Variants in SGCZ observed in about 807,000 individuals in gnomAD.
SGCZ encodes the protein sarcoglycan zeta.
Under a neutral mutation model 41.3 loss-of-function variants are expected in SGCZ, and 40 were observed. The ratio of observed to expected loss-of-function variants is 0.97; its 90% CI spans 0.75 to 1.26. The LOEUF is 1.26. Among genes scored for constraint, SGCZ ranks in the 50% most tolerant of loss-of-function variants. SGCZ has a pLI of 0.00. For synonymous variants in SGCZ, 206 were observed against 137.5 expected, an observed-to-expected ratio of 1.50 and a Z score of -3.49; for missense variants, 552 against 369.8, an observed-to-expected ratio of 1.49 and a Z score of -4.04.
intron 1 of SGCZ, among the ~76,000 whole-genome samples, chr8:14,704,611 T>C (rs956304178): frequency 6.6e-6 from 1 of 151,970 alleles, no homozygotes. Context: ...GCAGTTAATC[T>C]CTCAAAGGCT....
chr8:14,681,378 C>A (rs563678273), intron 1 of SGCZ, among the ~76,000 whole-genome samples: 2 of 152,116 alleles, frequency 1.3e-5, no homozygotes, highest in Non-Finnish European at 2.9e-5. Flanking sequence ...CTATACCCAA[C>A]AAAAACTATT....
chr8:14,133,157 C>CTTCAG lies in SGCZ; in HGVS notation c.548-24927_548-24923dup, dbSNP rs1204965418. Among the ~76,000 whole-genome samples the CTTCAG allele has an allele frequency of 1.1e-4, 16 of 152,294 alleles. No individual in the cohort carries two copies. The South Asian group carries it at 1.9e-3, about 18-fold the overall frequency. ...AGCCCAAGGTGAAAACTTAAAGTGACTTCAGTTCTTTTGTGAACATGTATC... is the reference window on the plus strand; with the variant it reads ...AGCCCAAGGTGAAAACTTAAAGTGACTTCAGTTCAGTTCTTTTGTGAACATGTATC... On this transcript the variant is annotated intron_variant, in intron 5 of 7. Coordinates refer to ENST00000382080, the MANE Select transcript of SGCZ (RefSeq NM_139167.4).
chr8:14,116,045 A>T (rs183623235), intron 5 of SGCZ, among the ~76,000 whole-genome samples: 36 of 152,116 alleles, frequency 2.4e-4, no homozygotes, highest in Admixed American at 9.2e-4. Context: ...ATTCCTTAGG[A>T]CTTCTGGTAC....
intron 1 of SGCZ, among the ~76,000 whole-genome samples, chr8:14,861,848 A>C (rs1024343872): frequency 2.9e-4 from 44 of 152,064 alleles, no homozygotes; most frequent in Admixed American, 1.6e-3. Flanking sequence ...AAGCTGTAAT[A>C]ATCTGTTCCC....
chr8:14,108,607 T>C (rs1183866057), intron 5 of SGCZ, among the ~76,000 whole-genome samples: 3 of 151,986 alleles, frequency 2.0e-5, no homozygotes, highest in East Asian at 3.9e-4. Flanking sequence ...ACCACCTCCA[T>C]GGTTCAAATT....
intron 1 of SGCZ, among the ~76,000 whole-genome samples, chr8:14,693,417 G>A (rs773522408): frequency 1.3e-5 from 2 of 151,084 alleles, no homozygotes; most frequent in Non-Finnish European, 2.9e-5. Context: ...TTAGCCTCCT[G>A]AGTAGCTGGA....
At chr8:15,192,334 C>T (rs903012681) in intron 1 of SGCZ, among the ~76,000 whole-genome samples, 3 of 151,942 alleles carry the variant, frequency 2.0e-5, no homozygotes, top group Admixed American at 6.6e-5. Context: ...ATTTTAAGTA[C>T]GCATACAAAT....
intron 1 of SGCZ, among the ~76,000 whole-genome samples, chr8:14,884,249 C>T (rs1198153677): frequency 6.6e-6 from 1 of 152,092 alleles, no homozygotes; most frequent in African/African-American, 2.4e-5. Flanking sequence ...ATATCCTTCC[C>T]TTAGTGCCAA....
chr8:14,219,133 G>C (rs1806101380), intron 4 of SGCZ, among the ~76,000 whole-genome samples: 1 of 152,300 alleles, frequency 6.6e-6, no homozygotes, highest in Non-Finnish European at 1.5e-5. Flanking sequence ...CAATTGGATT[G>C]TGATGTGCGA....
At position 15,005,969 on chromosome 8, in the gene SGCZ, CT is replaced by C. The variant is rs200605121; in HGVS notation, c.39+231615del. ...CCCACCAAACTTGAACTAACAGATA[CT>C]TTTTTGATAATGAATCATGGAATTT... On this transcript the variant is annotated intron_variant, in intron 1 of 7. Transcript: ENST00000382080. 7.2e-3 allele frequency among the ~76,000 whole-genome samples: 1,097 copies of C among 152,158 alleles called. 17 individuals carry two copies. Among genetic ancestry groups the C allele is most frequent in the South Asian group, 0.043 (205 of 4,822 alleles).
chr8:14,601,989 G>A (rs559608969), intron 1 of SGCZ, among the ~76,000 whole-genome samples: 2 of 152,104 alleles, frequency 1.3e-5, no homozygotes, highest in South Asian at 2.1e-4. Flanking sequence ...GCCTGGTGGC[G>A]GGCGCCTGTA....
At chr8:14,701,568 G>T (rs763745451) in intron 1 of SGCZ, among the ~76,000 whole-genome samples, 1 of 151,946 alleles carries the variant, frequency 6.6e-6, no homozygotes, top group African/African-American at 2.4e-5. Context: ...CGTCCGTGCT[G>T]CCTGGTAACT....
At position 14,978,455 on chromosome 8, in the gene SGCZ, A is replaced by G. The variant is rs745363443; in HGVS notation, c.39+259130T>C. ...CATTGCACTCTAGCCTGGAGGACCGAGTGAGACACCGTCACAAAAAAAAAA... is the reference window on the plus strand; with the variant it reads ...CATTGCACTCTAGCCTGGAGGACCGGGTGAGACACCGTCACAAAAAAAAAA... On this transcript the variant is annotated intron_variant, in intron 1 of 7. Coordinates refer to ENST00000382080, the MANE Select transcript of SGCZ (RefSeq NM_139167.4). Among the ~76,000 whole-genome samples the G allele has an allele frequency of 3.2e-4, 37 of 114,786 alleles. 1 individual carries two copies. Among genetic ancestry groups the G allele is most frequent in the Non-Finnish European group, 5.2e-4 (32 of 61,154 alleles). The allele number at this position is 114,786 out of a possible 152,430, so 75.3% of individuals were successfully genotyped here.
chr8:14,108,120 CAAT>C (rs1802261870), intron 6 of SGCZ, 40 bp downstream of exon 6: 10 of 1,566,472 alleles, frequency 6.4e-6, no homozygotes, highest in African/African-American at 2.7e-5. Context: ...GGATTATCAA[CAAT>C]GATGGATTTT....
intron 1 of SGCZ, among the ~76,000 whole-genome samples, chr8:14,835,547 C>G (rs778333009): frequency 7.9e-5 from 12 of 152,152 alleles, no homozygotes; most frequent in African/African-American, 2.7e-4. Context: ...CTTGACACAC[C>G]GCTTACCTGC....
chr8:14,405,814 T>C (rs938734402), intron 2 of SGCZ, among the ~76,000 whole-genome samples: 2 of 152,228 alleles, frequency 1.3e-5, no homozygotes, highest in Non-Finnish European at 2.9e-5. Context: ...TGTTTATAAA[T>C]ACATTAGAAC....
At chr8:14,205,172 T>TTTTA (rs1563184493) in intron 4 of SGCZ, among the ~76,000 whole-genome samples, 2 of 24 alleles carry the variant, frequency 0.083, no homozygotes, top group Non-Finnish European at 0.33. Context: ...CTAGACTTTA[T>TTTTA]TTTTTTTTTT....
At chr8:14,924,576 T>A (rs181828822) in intron 1 of SGCZ, among the ~76,000 whole-genome samples, 1 of 152,270 alleles carries the variant, frequency 6.6e-6, no homozygotes, top group African/African-American at 2.4e-5. Context: ...ATCAGAAGCT[T>A]ATCCACATAT....
chr8:14,254,354 C>T (rs1799389305), intron 3 of SGCZ, among the ~76,000 whole-genome samples: 1 of 152,218 alleles, frequency 6.6e-6, no homozygotes, highest in African/African-American at 2.4e-5. Flanking sequence ...TCATTTAAAG[C>T]ATTCGCTTGT....
Sources: allele counts gnomAD v4.1 joint callset (sites outside exome capture counted in the v4.1 genomes callset), GRCh38; gene constraint gnomAD v4.1.1; transcripts MANE v1.5; gene names NCBI Gene and HGNC (gene_info 2026-07-23, HGNC 2026-07-21).